CACNG2: variants seen among roughly 807,000 people sequenced by gnomAD.
CACNG2 encodes the protein calcium voltage-gated channel auxiliary subunit gamma 2, also known as voltage-dependent calcium channel gamma-2 subunit.
CACNG2 carries 3 observed loss-of-function variants against 25.9 expected under a neutral mutation model. That is an observed-to-expected ratio of 0.12 (90% CI 0.05 to 0.30). CACNG2 has a LOEUF of 0.30. CACNG2 is among the 10% of genes least tolerant of loss of function. The pLI is 1.00. For synonymous variants in CACNG2, 167 were observed against 173.3 expected (o/e 0.96, Z 0.29); for missense variants, 341 against 432.5 (o/e 0.79, Z 1.88).
intron 1 of CACNG2, among the ~76,000 whole-genome samples, chr22:36,604,789 A>G (rs561495269): frequency 6.6e-6 from 1 of 152,340 alleles, no homozygotes; most frequent in South Asian, 2.1e-4. Context: ...CATAACATAT[A>G]TTTTTTGAGA....
intron 2 of CACNG2, among the ~76,000 whole-genome samples, chr22:36,571,669 G>A (rs1048682188): frequency 3.3e-5 from 5 of 152,060 alleles, no homozygotes; most frequent in Admixed American, 6.5e-5. Context: ...TTGAGGTCAG[G>A]AGTTCAAGAC....
intron 1 of CACNG2, among the ~76,000 whole-genome samples, chr22:36,592,433 G>A (rs933991249): frequency 5.3e-5 from 8 of 152,244 alleles, no homozygotes; most frequent in South Asian, 4.1e-4. Context: ...GTAAGACCCC[G>A]AATGAGGTGG....
chr22:36,573,244 T>C (rs897695247), intron 2 of CACNG2, among the ~76,000 whole-genome samples: 1 of 152,250 alleles, frequency 6.6e-6, no homozygotes, highest in African/African-American at 2.4e-5. Flanking sequence ...ACTTATTGCA[T>C]TATCTTAAGC....
intron 1 of CACNG2, among the ~76,000 whole-genome samples, chr22:36,595,047 G>A (rs190600162): frequency 6.6e-6 from 1 of 151,664 alleles, no homozygotes; most frequent in Non-Finnish European, 1.5e-5. Flanking sequence ...ATGTGTCTGT[G>A]TGTGCATGTG....
intron 1 of CACNG2, among the ~76,000 whole-genome samples, chr22:36,674,485 T>C (rs1177059646): frequency 1.3e-5 from 2 of 152,138 alleles, no homozygotes; most frequent in Non-Finnish European, 2.9e-5. Flanking sequence ...TGCACCACCA[T>C]GCTCAGCTAA....
intron 1 of CACNG2, among the ~76,000 whole-genome samples, chr22:36,675,621 T>G (rs1601449687): frequency 6.6e-6 from 1 of 152,222 alleles, no homozygotes; most frequent in Admixed American, 6.5e-5. Context: ...AAATTTCCAA[T>G]GTCACCCCAC....
At chr22:36,581,293 T>C (rs1020826200) in intron 2 of CACNG2, among the ~76,000 whole-genome samples, 1 of 152,174 alleles carries the variant, frequency 6.6e-6, no homozygotes, top group Non-Finnish European at 1.5e-5. Flanking sequence ...ATCAGTGTGG[T>C]TCAGGAGAGG....
At chr22:36,599,389 T>A (rs1372862759) in intron 1 of CACNG2, among the ~76,000 whole-genome samples, 1 of 152,160 alleles carries the variant, frequency 6.6e-6, no homozygotes, top group African/African-American at 2.4e-5. Context: ...AGCAAGGGAA[T>A]GATAAACATC....
In CACNG2 at chr22:36,563,072, G is replaced by A. The variant is rs1935055906; in HGVS notation, c.*1279C>T. Among the ~76,000 whole-genome samples the A allele has an allele frequency of 2.6e-5, 4 of 151,814 alleles. No individual in the cohort carries two copies. The highest frequency in any genetic ancestry group is 2.6e-4 in the Admixed American group (4 of 15,254). On this transcript the variant is annotated 3_prime_UTR_variant, in exon 4 of 4. Transcript: ENST00000300105. ...AAAATACTATCTGATTTTCTTGCAA[G>A]TAAATCCACTTATTTTGTATTTACA...
intron 1 of CACNG2, among the ~76,000 whole-genome samples, chr22:36,631,537 G>A (rs989768759): frequency 1.3e-5 from 2 of 152,126 alleles, no homozygotes; most frequent in African/African-American, 4.8e-5. Flanking sequence ...ACCCACTTGG[G>A]CCAAAGAGAC....
intron 1 of CACNG2, among the ~76,000 whole-genome samples, chr22:36,645,899 A>G (rs1936516517): frequency 6.6e-6 from 1 of 152,254 alleles, no homozygotes; most frequent in Non-Finnish European, 1.5e-5. Context: ...GCATATTTTA[A>G]TATAAAATTA....
chr22:36,646,425 C>T (rs559983895), intron 1 of CACNG2, among the ~76,000 whole-genome samples: 4 of 152,150 alleles, frequency 2.6e-5, no homozygotes, highest in Non-Finnish European at 4.4e-5. Flanking sequence ...TAGAAAAGAA[C>T]GCTATCGTTG....
At chr22:36,604,938 T>C (rs1935809212) in intron 1 of CACNG2, among the ~76,000 whole-genome samples, 1 of 152,078 alleles carries the variant, frequency 6.6e-6, no homozygotes. Flanking sequence ...TCACCACGAC[T>C]GGCTGATTTT....
chr22:36,636,665 A>G (rs1936361995), intron 1 of CACNG2, among the ~76,000 whole-genome samples: 1 of 152,250 alleles, frequency 6.6e-6, no homozygotes, highest in African/African-American at 2.4e-5. Context: ...ACCCCCGTGG[A>G]ACTTCTCGTT....
At chr22:36,624,023 C>T (rs779529738) in intron 1 of CACNG2, among the ~76,000 whole-genome samples, 7 of 152,112 alleles carry the variant, frequency 4.6e-5, no homozygotes, top group South Asian at 2.1e-4. Context: ...AGTTCCTAAG[C>T]GGCGACTCCT....
chr22:36,580,063 CG>C (rs1158336426), intron 2 of CACNG2, among the ~76,000 whole-genome samples: 12 of 152,198 alleles, frequency 7.9e-5, no homozygotes, highest in African/African-American at 2.4e-4. Context: ...TCACTGGGTT[CG>C]GGGCAGGTGC....
At chr22:36,694,500 T>C (rs1032756954) in intron 1 of CACNG2, among the ~76,000 whole-genome samples, 1 of 152,190 alleles carries the variant, frequency 6.6e-6, no homozygotes, top group African/African-American at 2.4e-5. Flanking sequence ...TTTCAAAAAA[T>C]CTGGTGTTAT....
intron 1 of CACNG2, among the ~76,000 whole-genome samples, chr22:36,607,403 G>A (rs192497811): frequency 1.4e-4 from 22 of 152,104 alleles, no homozygotes; most frequent in African/African-American, 3.9e-4. Context: ...CTACAGACAC[G>A]CGCAATCATG....
chr22:36,673,659 A>G (rs2145994951), intron 1 of CACNG2, among the ~76,000 whole-genome samples: 1 of 152,010 alleles, frequency 6.6e-6, no homozygotes, highest in South Asian at 2.1e-4. Flanking sequence ...CCCCTTCACC[A>G]CACTCGCTGC....
Sources: allele counts gnomAD v4.1 joint callset (sites outside exome capture counted in the v4.1 genomes callset), GRCh38; gene constraint gnomAD v4.1.1; transcripts MANE v1.5; gene names NCBI Gene and HGNC (gene_info 2026-07-23, HGNC 2026-07-21).